CMIP: variants seen among roughly 807,000 people sequenced by gnomAD.
The protein encoded by CMIP is c-Maf inducing protein.
CMIP carries 13 observed loss-of-function variants against 97.3 expected under a neutral mutation model. That is an observed-to-expected ratio of 0.13 (90% CI 0.09 to 0.21). The LOEUF is 0.21. Among genes scored for constraint, CMIP ranks in the 10% least tolerant of loss-of-function variants. CMIP has a pLI of 1.00. For missense variants in CMIP, 847 were observed against 1,024.9 expected, an observed-to-expected ratio of 0.83 and a Z score of 2.37; for synonymous variants, 538 against 436.3, an observed-to-expected ratio of 1.23 and a Z score of -2.91.
intron 1 of CMIP, among the ~76,000 whole-genome samples, chr16:81,482,606 TG>T (rs35497068): frequency 2.0e-5 from 3 of 152,158 alleles, no homozygotes; most frequent in African/African-American, 7.2e-5. Context: ...CGGTGTGTGT[TG>T]GGGAAGCCCC....
At chr16:81,463,138 C>T (rs906928969) in intron 1 of CMIP, among the ~76,000 whole-genome samples, 1 of 152,176 alleles carries the variant, frequency 6.6e-6, no homozygotes, top group Admixed American at 6.5e-5. Context: ...ATACCAAGGA[C>T]TTCACCTTCA....
At chr16:81,536,943 C>T (rs1037575480) in intron 1 of CMIP, among the ~76,000 whole-genome samples, 3 of 152,344 alleles carry the variant, frequency 2.0e-5, no homozygotes, top group South Asian at 2.1e-4. Context: ...CCGTTGCTCT[C>T]CCCAGGGGTA....
intron 1 of CMIP, among the ~76,000 whole-genome samples, chr16:81,559,612 C>A (rs934336178): frequency 1.3e-5 from 2 of 152,110 alleles, no homozygotes; most frequent in African/African-American, 2.4e-5. Context: ...TGTCATAGTG[C>A]AATGCATTGC....
At chr16:81,629,489 C>T (rs967477113) in intron 3 of CMIP, among the ~76,000 whole-genome samples, 1 of 152,204 alleles carries the variant, frequency 6.6e-6, no homozygotes, top group Non-Finnish European at 1.5e-5. Context: ...TGAGGGAAGA[C>T]GTTGCCCTTG....
chr16:81,678,548 C>T lies in CMIP; in HGVS notation c.1308C>T (p.Pro436=), dbSNP rs747368835. Residue 436 remains proline, a synonymous_variant, in exon 10 of 21, where the codon CCC becomes CCT. Coordinates refer to ENST00000537098, the MANE Select transcript of CMIP (RefSeq NM_198390.3). The part of the protein sequence containing the change: ...PNLIDCLMVS[P]ACSTMSIELG... ...TCATCGACTGCCTCATGGTCAGCCCCGCCTGCAGCACCATGAGCATCGAGC... is the reference window on the plus strand; with the variant it reads ...TCATCGACTGCCTCATGGTCAGCCCTGCCTGCAGCACCATGAGCATCGAGC... The T allele has an allele frequency of 2.2e-5, 36 of 1,608,186 alleles. No homozygotes were observed. Among genetic ancestry groups the T allele is most frequent in the South Asian group, 1.3e-4 (12 of 90,452 alleles).
chr16:81,580,208 C>A (rs1470881388), intron 1 of CMIP, among the ~76,000 whole-genome samples: 1 of 152,160 alleles, frequency 6.6e-6, no homozygotes, highest in Non-Finnish European at 1.5e-5. Context: ...TGATGTAGGG[C>A]CTTGAGGGCA....
At chr16:81,519,904 C>T (rs2089986880) in intron 1 of CMIP, 1 of 152,140 alleles carries the variant, frequency 6.6e-6, no homozygotes, top group Admixed American at 6.6e-5. Context: ...AGCTCTGAAA[C>T]TGAAACCACC....
At chr16:81,586,051 C>T (rs1597117616) in intron 1 of CMIP, among the ~76,000 whole-genome samples, 1 of 151,370 alleles carries the variant, frequency 6.6e-6, no homozygotes, top group Non-Finnish European at 1.5e-5. Context: ...CCATTGCTCC[C>T]TCTAGCTTCA....
rs746542906 is a variant in CMIP, at chr16:81,693,139, T to TCCC, written c.1455-17_1455-15dup. The TCCC allele has an allele frequency of 4.0e-5, 65 of 1,610,130 alleles. No individual in the cohort carries two copies. In the Middle Eastern group the frequency reaches 1.3e-3, roughly 33 times the overall value. On this transcript the variant is annotated intron_variant, in intron 11 of 20. Transcript: ENST00000537098. Reference sequence around the variant, plus strand: ...GACGCTTCTGTTAACCGCCGTGTTTTCCCCTGTTTTTGTTGCAGAGCTCTC... The same window carrying TCCC: ...GACGCTTCTGTTAACCGCCGTGTTTTCCCCCCCTGTTTTTGTTGCAGAGCTCTC...
chr16:81,476,113 C>A, intron 1 of CMIP: 1 of 865,446 alleles, frequency 1.2e-6, no homozygotes, highest in Non-Finnish European at 2.0e-6. Flanking sequence ...CCACAGTCTT[C>A]ACGTCTTCTT....
chr16:81,523,074 G>A (rs958280113), intron 1 of CMIP, among the ~76,000 whole-genome samples: 6 of 152,038 alleles, frequency 3.9e-5, no homozygotes, highest in Non-Finnish European at 7.4e-5. Context: ...CTACAGGCAC[G>A]CATCACCACA....
At chr16:81,535,282 A>G (rs923857544) in intron 1 of CMIP, among the ~76,000 whole-genome samples, 2 of 152,076 alleles carry the variant, frequency 1.3e-5, no homozygotes, top group African/African-American at 4.8e-5. Flanking sequence ...TCTCCTTTTA[A>G]AGATGAAGGA....
At chr16:81,632,942 A>G (rs1392585816) in intron 3 of CMIP, among the ~76,000 whole-genome samples, 1 of 152,014 alleles carries the variant, frequency 6.6e-6, no homozygotes, top group Non-Finnish European at 1.5e-5. Flanking sequence ...GGCTTCCCAA[A>G]CTGCGAAGGA....
rs146103013 is a variant in CMIP at position 81,616,823 on chromosome 16, T to C, written c.427-4053T>C. ...TCTGTGGTCAGTGGCTCTGAAGAAA[T>C]CCGTCCCAGGCCTTTAGACATCAAG... On this transcript the variant is annotated intron_variant, in intron 2 of 20. Transcript: ENST00000537098. The surrounding 1 kb of genome is among the most constrained non-coding windows in gnomAD (Gnocchi z 4.7). Among the ~76,000 whole-genome samples the C allele has an allele frequency of 8.1e-3, 1,233 of 152,286 alleles. 18 individuals are homozygous for C. The highest frequency in any genetic ancestry group is 0.028 in the African/African-American group (1,161 of 41,560).
rs202186654 is a variant in CMIP, at chr16:81,626,821, T to G, written c.477+5895T>G. Among the ~76,000 whole-genome samples the G allele has an allele frequency of 7.6e-3, 781 of 102,788 alleles. 3 individuals are homozygous for G. Among genetic ancestry groups the G allele is most frequent in the South Asian group, 0.012 (34 of 2,732 alleles). 67.4% of individuals were successfully genotyped at this position (102,788 alleles called of 152,430 possible). On this transcript the variant is annotated intron_variant, in intron 3 of 20. Coordinates refer to ENST00000537098, the MANE Select transcript of CMIP (RefSeq NM_198390.3). ...TGTGTGTGTGTGTGTGTGTGTGGGG[T>G]GCATATGGGGTGACTATTTTATGAG...
intron 7 of CMIP, among the ~76,000 whole-genome samples, chr16:81,667,797 AGAGTGTGT>A (rs1211850240): frequency 1.1e-3 from 74 of 65,006 alleles, no homozygotes; most frequent in African/African-American, 3.0e-3. Flanking sequence ...AGAGAGAGAG[AGAGTGTGT>A]GTGTGTGTGT....
At chr16:81,680,343 G>A (rs1430922465) in intron 10 of CMIP, among the ~76,000 whole-genome samples, 2 of 152,256 alleles carry the variant, frequency 1.3e-5, no homozygotes, top group African/African-American at 2.4e-5. Flanking sequence ...GTGAGCTGGA[G>A]AAATGGCTGG....
intron 2 of CMIP, chr16:81,617,030 C>G (rs978610175): frequency 6.6e-6 from 1 of 152,368 alleles, no homozygotes; most frequent in Non-Finnish European, 1.5e-5. Flanking sequence ...CCAGAACCAT[C>G]TGGATGTGAG....
At chr16:81,540,153 AG>A (rs1474757254) in intron 1 of CMIP, among the ~76,000 whole-genome samples, 1 of 152,220 alleles carries the variant, frequency 6.6e-6, no homozygotes, top group Non-Finnish European at 1.5e-5. Flanking sequence ...AGACGAAGCA[AG>A]GGCCGAAAGT....
Sources: allele counts gnomAD v4.1 joint callset (sites outside exome capture counted in the v4.1 genomes callset), GRCh38; gene constraint gnomAD v4.1.1; non-coding constraint Gnocchi (gnomAD v3.1); transcripts MANE v1.5; gene names NCBI Gene and HGNC (gene_info 2026-07-23, HGNC 2026-07-21).